The following GCGR variants were observed in gnomAD, a reference collection of about 807,000 sequenced individuals.
The protein encoded by GCGR is glucagon receptor.
A neutral mutation model predicts 56.1 loss-of-function variants in GCGR; 41 were observed. That is an observed-to-expected ratio of 0.73 (90% CI 0.57 to 0.95). The LOEUF is 0.95. Ranked by LOEUF, GCGR falls within the 40% of genes least tolerant of loss-of-function variation. The pLI is 0.00. For synonymous variants in GCGR, 278 were observed against 271.1 expected, an observed-to-expected ratio of 1.03 and a Z score of -0.25; for missense variants, 595 against 638.2, an observed-to-expected ratio of 0.93 and a Z score of 0.73.
Position 81,811,518 on chromosome 17 carries a change from A to C in GCGR, c.615A>C (p.Lys205Asn). 6.5e-7 allele frequency: 1 copy of C among 1,536,550 alleles called. No homozygotes were observed. The highest frequency in any genetic ancestry group is 8.7e-7 in the Non-Finnish European group (1 of 1,146,852). ...TGCTCAGGACCCGCTACAGCCAGAA[A>C]ATTGGCGACGACCTCAGTGTCAGCA... Reference protein sequence around the residue: ...DGLLRTRYSQKIGDDLSVSTW... With the variant: ...DGLLRTRYSQNIGDDLSVSTW... The change falls in exon 7 of 14, where the codon AAA becomes AAC. Residue 205 changes from lysine (K) to asparagine (N), a missense_variant. By Grantham distance (94) the Lys-to-Asn change is moderately conservative. Transcript: ENST00000400723. This position sits in a 1 kb window ranked among gnomAD's most constrained non-coding sequence, Gnocchi z 5.8.
chr17:81,809,267 TCTGCCTGC>T (rs1406292608), intron 2 of GCGR, among the ~76,000 whole-genome samples, 189 bp downstream of exon 2: 1 of 134,760 alleles, frequency 7.4e-6, no homozygotes, highest in African/African-American at 2.9e-5. Flanking sequence ...TGCCTATCCA[TCTGCCTGC>T]CTGTCTGCCT....
rs1301503565 is a variant in GCGR, at chr17:81,811,546, T to C, written c.643T>C (p.Trp215Arg). 6.5e-7 allele frequency: 1 copy of C among 1,536,450 alleles called. No homozygotes were observed. Among genetic ancestry groups the C allele is most frequent in the Non-Finnish European group, 8.7e-7 (1 of 1,146,836 alleles). The change falls in exon 7 of 14, where the codon TGG becomes CGG. Residue 215 changes from tryptophan (W) to arginine (R), a missense_variant. Transcript: ENST00000400723. This position sits in a 1 kb window ranked among gnomAD's most constrained non-coding sequence, Gnocchi z 5.8. Reference protein sequence around the residue: ...KIGDDLSVSTWLSDGAVAGCR... With the variant: ...KIGDDLSVSTRLSDGAVAGCR... ...TGGCGACGACCTCAGTGTCAGCACC[T>C]GGCTCAGTGATGGAGTGAGCCCCCC...
At chr17:81,805,646 T>TATTGGGCACCTCGGGAACCCCCAC (rs1323063469) in intron 1 of GCGR, among the ~76,000 whole-genome samples, 1 of 91,362 alleles carries the variant, frequency 1.1e-5, no homozygotes, top group Non-Finnish European at 2.3e-5. Flanking sequence ...GGAACCCCCC[T>TATTGGGCACCTCGGGAACCCCCAC]ATTGGGCACC....
Position 81,806,456 on chromosome 17 carries a change from G to T in GCGR, c.-178+2207G>T, listed in dbSNP as rs1471021497. ...CCCAACCTTCTGTTGAGGCTGAGGGGACACAGAGCCCCACTCCTGGGTCCT... is the reference window on the plus strand; with the variant it reads ...CCCAACCTTCTGTTGAGGCTGAGGGTACACAGAGCCCCACTCCTGGGTCCT... On this transcript the variant is annotated intron_variant, in intron 1 of 13. Transcript: ENST00000400723. The surrounding 1 kb of genome is among the most constrained non-coding windows in gnomAD (Gnocchi z 6.5). 6.6e-6 allele frequency among the ~76,000 whole-genome samples: 1 copy of T among 152,116 alleles called. No homozygotes were observed. Among genetic ancestry groups the T allele is most frequent in the African/African-American group, 2.4e-5 (1 of 41,416 alleles).
intron 2 of GCGR, among the ~76,000 whole-genome samples, chr17:81,809,554 T>C (rs28438523): frequency 3.4e-5 from 5 of 146,822 alleles, no homozygotes; most frequent in South Asian, 2.2e-4. Context: ...TGCCTGTCTG[T>C]CTGCCTGTCC....
At position 81,811,570 on chromosome 17, in the gene GCGR, C is replaced by A. The variant is rs771987875; in HGVS notation, c.657+10C>A. ...CTGGCTCAGTGATGGAGTGAGCCCC[C>A]CTCGGCGGCCCCAGGCAGGTGGGTG... On this transcript the variant is annotated intron_variant, in intron 7 of 13. Coordinates refer to ENST00000400723, the MANE Select transcript of GCGR (RefSeq NM_000160.5). The surrounding 1 kb of genome is among the most constrained non-coding windows in gnomAD (Gnocchi z 5.8). The A allele has an allele frequency of 2.6e-6, 4 of 1,536,234 alleles. No individual in the cohort carries two copies. The highest frequency in any genetic ancestry group is 1.7e-4 in the Middle Eastern group (1 of 5,984).
rs1386011986 is a variant in GCGR, at chr17:81,806,081, C to G, written c.-178+1832C>G. The stretch of plus-strand genomic sequence containing the variant: ...TGGGAAGTTAAATCGTCGTCCCCGT[C>G]CCAGGACCACAGCAGCCTCAGCCCT... On this transcript the variant is annotated intron_variant, in intron 1 of 13. Coordinates refer to ENST00000400723, the MANE Select transcript of GCGR (RefSeq NM_000160.5). This position sits in a 1 kb window ranked among gnomAD's most constrained non-coding sequence, Gnocchi z 6.5. 3.3e-5 allele frequency among the ~76,000 whole-genome samples: 5 copies of G among 152,110 alleles called. No individual in the cohort carries two copies. The highest frequency in any genetic ancestry group is 1.2e-4 in the African/African-American group (5 of 41,418).
chr17:81,807,532 C>T (rs973618303), intron 1 of GCGR, among the ~76,000 whole-genome samples: 5 of 152,286 alleles, frequency 3.3e-5, no homozygotes, highest in East Asian at 1.9e-4. Flanking sequence ...CAGGCCTGCC[C>T]GGAAACCCTC....
intron 2 of GCGR, 52 bp from the exon 3 acceptor site, chr17:81,809,730 T>TCTGCCTGTCTGC: frequency 7.1e-7 from 1 of 1,413,486 alleles, no homozygotes; most frequent in Non-Finnish European, 9.6e-7. Context: ...TGCCTGTCTG[T>TCTGCCTGTCTGC]CTGCCTGCCT....
intron 1 of GCGR, among the ~76,000 whole-genome samples, chr17:81,808,129 G>A (rs2037999512): frequency 6.6e-6 from 1 of 152,268 alleles, no homozygotes; most frequent in African/African-American, 2.4e-5. Flanking sequence ...ACCCCTGAGT[G>A]TGGGCCCCAC....
At position 81,812,185 on chromosome 17, in the gene GCGR, G is replaced by A. The variant is rs1286468683; in HGVS notation, c.881G>A (p.Cys294Tyr). 1 of 1,536,084 alleles carries A rather than the reference G, an allele frequency of 6.5e-7. No homozygotes were observed. Among genetic ancestry groups the A allele is most frequent in the Non-Finnish European group, 8.7e-7 (1 of 1,146,796 alleles). ...VVKCLFENVQ[C>Y]WTSNDNMGFW... Reference sequence around the variant, plus strand: ...ATGTGAGTGGCCTGGCCTCGCAGGTGCTGGACCAGCAATGACAACATGGGC... The same window carrying A: ...ATGTGAGTGGCCTGGCCTCGCAGGTACTGGACCAGCAATGACAACATGGGC... Residue 294 changes from cysteine to tyrosine, a missense_variant and splice_region_variant, in exon 10 of 14, where the codon TGC (cysteine) becomes TAC (tyrosine). Transcript: ENST00000400723. The surrounding 1 kb of genome is among the most constrained non-coding windows in gnomAD (Gnocchi z 8.5).
chr17:81,813,649 T>G lies in GCGR; in HGVS notation c.1394T>G (p.Leu465Trp). 1 of 1,536,070 alleles carries G rather than the reference T, an allele frequency of 6.5e-7. No individual in the cohort carries two copies. Among genetic ancestry groups the G allele is most frequent in the Admixed American group, 2.0e-5 (1 of 50,988 alleles). ...GSQDSSAETP[L>W]AGGLPRLAES... ...CAGGATTCATCTGCGGAGACCCCCT[T>G]GGCTGGTGGCCTCCCTAGATTGGCT... Residue 465 changes from leucine (L) to tryptophan (W), a missense_variant, in exon 14 of 14, where the codon TTG (leucine) becomes TGG (tryptophan). By Grantham distance (61) the Leu-to-Trp change is moderately conservative. Coordinates refer to ENST00000400723, the MANE Select transcript of GCGR (RefSeq NM_000160.5). The surrounding 1 kb of genome is among the most constrained non-coding windows in gnomAD (Gnocchi z 5.3).
Position 81,808,962 on chromosome 17 carries a change from A to G in GCGR, c.-57A>G. 6.5e-7 allele frequency: 1 copy of G among 1,532,226 alleles called. No homozygotes were observed. Among genetic ancestry groups the G allele is most frequent in the Non-Finnish European group, 8.7e-7 (1 of 1,143,958 alleles). 94.9% of individuals were successfully genotyped at this position (1,532,226 alleles called of 1,614,324 possible). On this transcript the variant is annotated 5_prime_UTR_variant, in exon 2 of 14. Coordinates refer to ENST00000400723, the MANE Select transcript of GCGR (RefSeq NM_000160.5). ...GAGCGTACACACCCACCAGGACTGC[A>G]TTGCCCCAGCTGTGCAGCCCCTGCC...
rs1453383640 is a variant in GCGR at position 81,810,906 on chromosome 17, C to T, written c.245C>T (p.Pro82Leu). The part of the protein sequence containing the change: ...PANTTANISC[P>L]WYLPWHHKVQ... ...AATACCACGGCCAACATCTCCTGCC[C>T]CTGGTACCTGCCTTGGCACCACAAA... Residue 82 changes from proline to leucine, a missense_variant, in exon 4 of 14, where the codon CCC becomes CTC. Pro to Leu is a moderately conservative substitution (Grantham distance 98, BLOSUM62 -3). Transcript: ENST00000400723. The surrounding 1 kb of genome is among the most constrained non-coding windows in gnomAD (Gnocchi z 4.6). 3.3e-6 allele frequency: 5 copies of T among 1,536,650 alleles called. No homozygotes were observed. In the East Asian group the frequency reaches 1.2e-4, roughly 38 times the overall value.
At position 81,813,323 on chromosome 17, in the gene GCGR, G is replaced by T. The variant is rs774211974; in HGVS notation, c.1219-151G>T. 21 of 883,946 alleles carry T rather than the reference G, an allele frequency of 2.4e-5. No individual in the cohort carries two copies. The highest frequency in any genetic ancestry group is 3.3e-5 in the Non-Finnish European group (19 of 581,074). The allele number at this position is 883,946 out of a possible 1,614,324, so 54.8% of individuals were successfully genotyped here. The stretch of plus-strand genomic sequence containing the variant: ...CAGACTGCTTTCCGTGGCGATGCTG[G>T]GTGGCATAGCTGTGCCCAGCAGGGA... On this transcript the variant is annotated intron_variant, in intron 13 of 13. Transcript: ENST00000400723. This position sits in a 1 kb window ranked among gnomAD's most constrained non-coding sequence, Gnocchi z 5.3.
rs1333597922 is a variant in GCGR at position 81,806,553 on chromosome 17, G to C, written c.-177-2289G>C. Among the ~76,000 whole-genome samples, 1 of 152,202 alleles carries C rather than the reference G, an allele frequency of 6.6e-6. No individual in the cohort carries two copies. Among genetic ancestry groups the C allele is most frequent in the Non-Finnish European group, 1.5e-5 (1 of 68,034 alleles). ...CTCGGCTCGCTGGGGTCTCCAGACT[G>C]GCTGCCCGGCTGGAAGGTGGGGCCC... On this transcript the variant is annotated intron_variant, in intron 1 of 13. Transcript: ENST00000400723. The surrounding 1 kb of genome is among the most constrained non-coding windows in gnomAD (Gnocchi z 6.5).
rs781479707 is a variant in GCGR, at chr17:81,810,838, C to T, written c.177C>T (p.Asn59=). The T allele has an allele frequency of 1.2e-5, 18 of 1,536,746 alleles. No homozygotes were observed. In the South Asian group the frequency reaches 2.0e-4, roughly 17 times the overall value. ...LLPPPTELVC[N]RTFDKYSCWP... ...CCTACCCTGCAGAGCTGGTGTGCAA[C>T]AGAACCTTCGACAAGTATTCCTGCT... Residue 59 remains asparagine (N), a synonymous_variant, in exon 4 of 14, where the codon AAC becomes AAT. Coordinates refer to ENST00000400723, the MANE Select transcript of GCGR (RefSeq NM_000160.5). This position sits in a 1 kb window ranked among gnomAD's most constrained non-coding sequence, Gnocchi z 4.6.
chr17:81,811,567 C>G lies in GCGR; in HGVS notation c.657+7C>G. 1 of 1,536,276 alleles carries G rather than the reference C, an allele frequency of 6.5e-7. No homozygotes were observed. The highest frequency in any genetic ancestry group is 8.7e-7 in the Non-Finnish European group (1 of 1,146,828). ...CACCTGGCTCAGTGATGGAGTGAGC[C>G]CCCCTCGGCGGCCCCAGGCAGGTGG... On this transcript the variant is annotated splice_region_variant and intron_variant, in intron 7 of 13. Transcript: ENST00000400723. This position sits in a 1 kb window ranked among gnomAD's most constrained non-coding sequence, Gnocchi z 5.8.
chr17:81,811,256 T>C lies in GCGR; in HGVS notation c.428T>C (p.Val143Ala), dbSNP rs1157583633. 9 of 1,536,118 alleles carry C rather than the reference T, an allele frequency of 5.9e-6. No homozygotes were observed. Among genetic ancestry groups the C allele is most frequent in the Non-Finnish European group, 7.8e-6 (9 of 1,146,778 alleles). ...GCCAAGATGTACAGCAGCTTCCAGG[T>C]GATGTACACAGTGGGCTACAGCCTG... ...EVAKMYSSFQVMYTVGYSLSL... is the reference protein window; with the variant it reads ...EVAKMYSSFQAMYTVGYSLSL... The change falls in exon 6 of 14, where the codon GTG becomes GCG. Residue 143 changes from valine to alanine, a missense_variant. Physicochemically the swap from Val to Ala is moderately conservative, Grantham distance 64. Coordinates refer to ENST00000400723, the MANE Select transcript of GCGR (RefSeq NM_000160.5). This position sits in a 1 kb window ranked among gnomAD's most constrained non-coding sequence, Gnocchi z 5.8.
Sources: gnomAD v4.1 joint callset for allele counts (sites outside exome capture counted in the v4.1 genomes callset) on GRCh38, gnomAD v4.1.1 for gene constraint, Gnocchi (gnomAD v3.1) non-coding constraint, MANE v1.5 for transcripts, NCBI Gene and HGNC (gene_info 2026-07-23, HGNC 2026-07-21) for gene names.